Variants in CDK14 observed in about 807,000 individuals in gnomAD.
The protein encoded by CDK14 is cyclin-dependent kinase 14.
CDK14 carries 34 observed loss-of-function variants against 60.7 expected under a neutral mutation model. The observed-to-expected ratio is 0.56, with a 90% CI of 0.43 to 0.75. The LOEUF (loss-of-function observed/expected upper bound fraction) is 0.75, where lower values mean the gene tolerates loss of function less well. CDK14 is among the 30% of genes least tolerant of loss of function. The pLI, the probability that CDK14 is intolerant of heterozygous loss-of-function variation, is 0.00. For missense variants in CDK14, 482 were observed against 564.1 expected (o/e 0.85, Z 1.47); for synonymous variants, 197 against 203.7 (o/e 0.97, Z 0.28).
At chr7:90,661,980 A>G (rs1800873201) in intron 2 of CDK14, among the ~76,000 whole-genome samples, 1 of 152,192 alleles carries the variant, frequency 6.6e-6, no homozygotes, top group South Asian at 2.1e-4. Context: ...GTCTGGCAGG[A>G]GCTTCAGAGT....
intron 2 of CDK14, among the ~76,000 whole-genome samples, chr7:90,683,541 C>T (rs1319071111): frequency 6.6e-6 from 1 of 152,226 alleles, no homozygotes; most frequent in African/African-American, 2.4e-5. Context: ...TGGCTCACAC[C>T]TGTAATCCCA....
At chr7:90,728,799 G>T (rs756900202) in intron 3 of CDK14, among the ~76,000 whole-genome samples, 1 of 151,908 alleles carries the variant, frequency 6.6e-6, no homozygotes, top group Non-Finnish European at 1.5e-5. Flanking sequence ...TCTGTGCCTG[G>T]GTGGCTTGTC....
chr7:90,922,577 A>G (rs1793284799), intron 8 of CDK14, among the ~76,000 whole-genome samples: 1 of 152,184 alleles, frequency 6.6e-6, no homozygotes, highest in Non-Finnish European at 1.5e-5. Context: ...CCTTTGACAC[A>G]TTACTTTAAA....
chr7:90,907,159 T>C (rs1185190295), intron 7 of CDK14, among the ~76,000 whole-genome samples: 2 of 152,096 alleles, frequency 1.3e-5, no homozygotes, highest in Non-Finnish European at 2.9e-5. Flanking sequence ...GCAACCAGTT[T>C]GTAGATGGTG....
At chr7:90,836,737 C>T (rs901387503) in intron 5 of CDK14, among the ~76,000 whole-genome samples, 5 of 152,154 alleles carry the variant, frequency 3.3e-5, no homozygotes, top group Non-Finnish European at 7.4e-5. Context: ...ATACAACTGC[C>T]AATGCAGTAG....
chr7:90,992,555 G>T (rs1795570334), intron 10 of CDK14, among the ~76,000 whole-genome samples: 1 of 152,176 alleles, frequency 6.6e-6, no homozygotes, highest in African/African-American at 2.4e-5. Context: ...TGTTTCTTAA[G>T]TGCTATTCTG....
At chr7:90,890,688 C>T (rs1792091486) in intron 6 of CDK14, among the ~76,000 whole-genome samples, 1 of 152,086 alleles carries the variant, frequency 6.6e-6, no homozygotes, top group African/African-American at 2.4e-5. Flanking sequence ...GCAGTTTGAA[C>T]CTAACTGCTC....
chr7:90,684,392 C>T (rs1361260651), intron 2 of CDK14, among the ~76,000 whole-genome samples: 1 of 152,120 alleles, frequency 6.6e-6, no homozygotes, highest in African/African-American at 2.4e-5. Flanking sequence ...TAGCAGTTAC[C>T]TTCTTCTTCA....
At position 91,207,160 on chromosome 7, in the gene CDK14, T is replaced by TC. The variant is rs1802928242; in HGVS notation, c.*29-3dup. 6.6e-6 allele frequency: 1 copy of TC among 151,998 alleles called. No homozygotes were observed. The highest frequency in any genetic ancestry group is 2.4e-5 in the African/African-American group (1 of 41,344). 9.4% of individuals were successfully genotyped at this position (151,998 alleles called of 1,614,324 possible). Reference sequence around the variant, plus strand: ...TATAACAATTTTCTATTTTCCTCCTTCCAGGATTAAGTTGTCATCATTCTG... The same window carrying TC: ...TATAACAATTTTCTATTTTCCTCCTTCCCAGGATTAAGTTGTCATCATTCTG... On this transcript the variant is annotated splice_region_variant and splice_polypyrimidine_tract_variant and intron_variant, in intron 14 of 14. Coordinates refer to ENST00000380050, the MANE Select transcript of CDK14 (RefSeq NM_001287135.2).
At chr7:90,789,899 T>C (rs1337813138) in intron 4 of CDK14, among the ~76,000 whole-genome samples, 1 of 152,106 alleles carries the variant, frequency 6.6e-6, no homozygotes, top group African/African-American at 2.4e-5. Flanking sequence ...AGCACAATCT[T>C]ACTTTTAATT....
chr7:91,158,501 CAT>C (rs770884407), intron 14 of CDK14, among the ~76,000 whole-genome samples: 11 of 152,194 alleles, frequency 7.2e-5, no homozygotes, highest in East Asian at 1.9e-4. Flanking sequence ...ACAGGCCAAA[CAT>C]AGAAATTTTT....
chr7:90,670,876 T>C (rs1184389218), intron 2 of CDK14, among the ~76,000 whole-genome samples: 3 of 152,114 alleles, frequency 2.0e-5, no homozygotes, highest in African/African-American at 4.8e-5. Context: ...CTCATATCCT[T>C]CTCACATCTC....
intron 2 of CDK14, among the ~76,000 whole-genome samples, chr7:90,646,486 C>T (rs1485754217): frequency 6.6e-6 from 1 of 151,340 alleles, no homozygotes; most frequent in African/African-American, 2.4e-5. Flanking sequence ...CTTTCCCCCT[C>T]ACTTAAAAAA....
intron 9 of CDK14, among the ~76,000 whole-genome samples, chr7:90,960,553 A>G (rs1480837822): frequency 6.6e-6 from 1 of 152,118 alleles, no homozygotes; most frequent in African/African-American, 2.4e-5. Context: ...AAATTTCCAT[A>G]CCACTCTTGA....
intron 10 of CDK14, among the ~76,000 whole-genome samples, chr7:91,004,208 G>A (rs747752412): frequency 2.0e-4 from 31 of 152,172 alleles, no homozygotes; most frequent in African/African-American, 6.8e-4. Context: ...AGAAAACTGC[G>A]ATGAAATCAA....
chr7:90,747,898 C>CT (rs11290265), intron 4 of CDK14, 123 bp downstream of exon 4: 3,066 of 179,160 alleles, frequency 0.017, 13 homozygotes, highest in African/African-American at 0.021. Flanking sequence ...TCACGGTATC[C>CT]TTTTTTTTTT....
rs146785387 is a variant in CDK14, at chr7:90,758,843, G to T, written c.464+11068G>T. Reference sequence around the variant, plus strand: ...GGGCAAGGCGGGTGGATCACCTGAGGCCAGGAGTTCGAGACCAGCCTGGCC... The same window carrying T: ...GGGCAAGGCGGGTGGATCACCTGAGTCCAGGAGTTCGAGACCAGCCTGGCC... On this transcript the variant is annotated intron_variant, in intron 4 of 14. Transcript: ENST00000380050. Among the ~76,000 whole-genome samples, 1,360 of 152,288 alleles carry T rather than the reference G, an allele frequency of 8.9e-3. 16 individuals are homozygous for T. The highest frequency in any genetic ancestry group is 0.031 in the African/African-American group (1,283 of 41,550).
At chr7:90,960,650 G>A (rs1162168282) in intron 9 of CDK14, among the ~76,000 whole-genome samples, 1 of 152,078 alleles carries the variant, frequency 6.6e-6, no homozygotes. Flanking sequence ...AGGCCATTTA[G>A]CATTGCTTTT....
intron 6 of CDK14, among the ~76,000 whole-genome samples, chr7:90,892,518 T>C (rs1483447627): frequency 6.6e-6 from 1 of 152,214 alleles, no homozygotes; most frequent in Non-Finnish European, 1.5e-5. Flanking sequence ...GGTCTTTCCA[T>C]GTTCTGTCTT....
Sources: allele counts gnomAD v4.1 joint callset (sites outside exome capture counted in the v4.1 genomes callset), GRCh38; gene constraint gnomAD v4.1.1; transcripts MANE v1.5; gene names NCBI Gene and HGNC (gene_info 2026-07-23, HGNC 2026-07-21).